Variants in ABR observed in about 807,000 individuals in gnomAD.
ABR encodes the protein active breakpoint cluster region-related protein.
In ABR, 35 loss-of-function variants were observed where a neutral mutation model predicts 107.2. The ratio of observed to expected loss-of-function variants is 0.33; its 90% CI spans 0.25 to 0.43. ABR has a LOEUF of 0.43. Ranked by LOEUF, ABR falls within the 20% of genes least tolerant of loss-of-function variation. The probability of loss-of-function intolerance (pLI) is 1.00; values close to 1 mark genes in which losing one functional copy is unlikely to be tolerated. For missense variants in ABR, 815 were observed against 1,115.2 expected (o/e 0.73, Z 3.83); for synonymous variants, 498 against 462.0 (o/e 1.08, Z -1.00).
At chr17:1,081,145 C>T (rs1171610145) in intron 5 of ABR, among the ~76,000 whole-genome samples, 1 of 152,200 alleles carries the variant, frequency 6.6e-6, no homozygotes, top group Non-Finnish European at 1.5e-5. Context: ...CTTGGGCGGC[C>T]TTGGCAGGGC....
At chr17:1,074,685 A>C (rs762297102) in intron 6 of ABR, among the ~76,000 whole-genome samples, 2 of 152,240 alleles carry the variant, frequency 1.3e-5, no homozygotes, top group African/African-American at 2.4e-5. Context: ...GGAAGGCTGG[A>C]GGCAGGGAGG....
Position 1,057,179 on chromosome 17 carries a change from G to A in ABR, c.1382-77C>T, listed in dbSNP as rs530324514. The A allele has an allele frequency of 1.6e-5, 16 of 969,828 alleles. No homozygotes were observed. In the African/African-American group the frequency reaches 2.1e-4, roughly 13 times the overall value. The allele number at this position is 969,828 out of a possible 1,614,324, so 60.1% of individuals were successfully genotyped here. A position where few individuals can be genotyped will look rare whatever the true frequency, so the allele number is the denominator to read the frequency against. ...CGGCTGCTCTTCCCTGGGGGCTGCT[G>A]CAGGAAGACGGCTTAATCCCTGGGG... On this transcript the variant is annotated intron_variant, in intron 12 of 22. Transcript: ENST00000302538.
At chr17:1,082,915 C>T (rs761298366) in intron 5 of ABR, among the ~76,000 whole-genome samples, 6 of 151,802 alleles carry the variant, frequency 4.0e-5, no homozygotes, top group Non-Finnish European at 8.8e-5. Flanking sequence ...GCACATCACC[C>T]GAGTTCGAGA....
chr17:1,211,589 C>T (rs563213601), intron 1 of ABR, among the ~76,000 whole-genome samples: 2 of 152,276 alleles, frequency 1.3e-5, no homozygotes, highest in Admixed American at 6.5e-5. Context: ...AGGAAATAGA[C>T]ACTATTAACA....
At chr17:1,107,419 T>C (rs2151379155) in intron 2 of ABR, among the ~76,000 whole-genome samples, 1 of 152,338 alleles carries the variant, frequency 6.6e-6, no homozygotes, top group South Asian at 2.1e-4. Flanking sequence ...GTCCTGGTCC[T>C]CCAGGAGAAT....
intron 1 of ABR, among the ~76,000 whole-genome samples, chr17:1,161,826 A>T (rs1405368104): frequency 3.3e-5 from 5 of 152,150 alleles, no homozygotes. Context: ...CAGTGCTGGG[A>T]TGACAGGTGT....
At chr17:1,228,670 GCCCGCTC>G (rs1380299204) in intron 1 of ABR, 1 of 151,948 alleles carries the variant, frequency 6.6e-6, no homozygotes, top group Non-Finnish European at 1.5e-5. Flanking sequence ...CCTCCTTCCC[GCCCGCTC>G]CCCGGCCCCG....
intron 1 of ABR, among the ~76,000 whole-genome samples, chr17:1,151,587 C>A (rs1305562452): frequency 6.6e-6 from 1 of 152,234 alleles, no homozygotes; most frequent in Non-Finnish European, 1.5e-5. Context: ...CATGGTTTTT[C>A]CAGCAGGGGA....
At chr17:1,192,729 A>C (rs1311863159) in intron 1 of ABR, among the ~76,000 whole-genome samples, 2 of 152,170 alleles carry the variant, frequency 1.3e-5, no homozygotes, top group African/African-American at 4.8e-5. Flanking sequence ...CCTGGCCAAC[A>C]TGGTGAAACC....
intron 1 of ABR, among the ~76,000 whole-genome samples, chr17:1,141,690 T>G (rs2040291150): frequency 6.6e-6 from 1 of 152,144 alleles, no homozygotes; most frequent in South Asian, 2.1e-4. Flanking sequence ...ACAGCAAGCT[T>G]TGTCAGCTAA....
Position 1,134,512 on chromosome 17 carries a change from C to T in ABR, c.62-9145G>A, listed in dbSNP as rs764668642. Among the ~76,000 whole-genome samples the T allele has an allele frequency of 5.6e-4, 85 of 152,208 alleles. 1 individual carries two copies. The highest frequency in any genetic ancestry group is 9.4e-4 in the Non-Finnish European group (64 of 68,040). ...CTGAGCCACACTAGGAAGAGCCTGTCTCATTTCCTGCTCATGGGAAATACA... is the reference window on the plus strand; with the variant it reads ...CTGAGCCACACTAGGAAGAGCCTGTTTCATTTCCTGCTCATGGGAAATACA... On this transcript the variant is annotated intron_variant, in intron 1 of 22. Coordinates refer to ENST00000302538, the MANE Select transcript of ABR (RefSeq NM_021962.5).
intron 1 of ABR, among the ~76,000 whole-genome samples, chr17:1,208,664 G>A (rs556228422): frequency 1.6e-4 from 25 of 152,236 alleles, no homozygotes; most frequent in Admixed American, 1.2e-3. Flanking sequence ...CGAGGCGGGC[G>A]GATCACGAGG....
chr17:1,119,655 G>C (rs12937195), intron 2 of ABR, among the ~76,000 whole-genome samples: 96,112 of 150,872 alleles, frequency 0.64, 33,175 homozygotes, highest in Middle Eastern at 0.82. Context: ...GGGGTCCACA[G>C]AGATGATCAG....
intron 10 of ABR, among the ~76,000 whole-genome samples, chr17:1,060,278 C>T (rs768655962): frequency 3.4e-4 from 51 of 152,106 alleles, no homozygotes; most frequent in Middle Eastern, 6.8e-3. Flanking sequence ...GGCGTGGTGG[C>T]GGGCGCCTGT....
At chr17:1,191,256 C>T (rs577761284), upstream of ABR, among the ~76,000 whole-genome samples, 452 of 152,230 alleles carry the variant, frequency 3.0e-3, 1 homozygote, top group African/African-American at 0.01. Flanking sequence ...GGTCTGCCAG[C>T]TTCCCGCCAG....
chr17:1,129,054 G>A (rs967334487), intron 1 of ABR, among the ~76,000 whole-genome samples: 5 of 152,164 alleles, frequency 3.3e-5, no homozygotes, highest in African/African-American at 7.2e-5. Flanking sequence ...TGACGTCCCC[G>A]CTTCGGTGCT....
chr17:1,044,134 A>G (rs1207847666), intron 16 of ABR, among the ~76,000 whole-genome samples: 1 of 151,910 alleles, frequency 6.6e-6, no homozygotes, highest in African/African-American at 2.4e-5. Context: ...GGATAAACAC[A>G]GTGGAGTCCC....
chr17:1,111,245 T>G (rs2038658928), intron 2 of ABR, among the ~76,000 whole-genome samples: 1 of 152,204 alleles, frequency 6.6e-6, no homozygotes, highest in Non-Finnish European at 1.5e-5. Context: ...ATGGTGAGAC[T>G]GACGCCCACT....
intron 14 of ABR, among the ~76,000 whole-genome samples, chr17:1,053,609 G>C (rs1216022629): frequency 1.3e-5 from 2 of 152,152 alleles, no homozygotes; most frequent in Non-Finnish European, 2.9e-5. Flanking sequence ...AGTTTACCAC[G>C]GCTGAAGACA....
Sources: allele counts gnomAD v4.1 joint callset (sites outside exome capture counted in the v4.1 genomes callset), GRCh38; gene constraint gnomAD v4.1.1; transcripts MANE v1.5; gene names NCBI Gene and HGNC (gene_info 2026-07-23, HGNC 2026-07-21).